Variants in SLX4IP observed in about 807,000 individuals in gnomAD.
The protein encoded by SLX4IP is SLX4 interacting protein.
SLX4IP carries 34 observed loss-of-function variants against 32.9 expected under a neutral mutation model. The observed-to-expected ratio is 1.03, with a 90% CI of 0.79 to 1.38. SLX4IP has a LOEUF of 1.38. Ranked by LOEUF, SLX4IP falls within the 40% of genes most tolerant of loss-of-function variation. The pLI, the probability that SLX4IP is intolerant of heterozygous loss-of-function variation, is 0.00. For synonymous variants in SLX4IP, 172 were observed against 171.7 expected (o/e 1.00, Z -0.01); for missense variants, 444 against 479.0 (o/e 0.93, Z 0.68).
intron 6 of SLX4IP, chr20:10,613,278 G>A: frequency 4.6e-6 from 3 of 655,480 alleles, no homozygotes; most frequent in Non-Finnish European, 8.1e-6. Flanking sequence ...CTAAGATCAG[G>A]TTGAGAGATT....
chr20:10,620,571 T>G (rs183733166), intron 6 of SLX4IP, among the ~76,000 whole-genome samples: 2 of 152,264 alleles, frequency 1.3e-5, no homozygotes, highest in East Asian at 3.9e-4. Flanking sequence ...TTTTTTTTTT[T>G]GAGACAGAGT....
intron 2 of SLX4IP, among the ~76,000 whole-genome samples, chr20:10,494,994 CAAAA>C (rs2065654475): frequency 6.6e-6 from 1 of 151,776 alleles, no homozygotes; most frequent in Admixed American, 6.6e-5. Flanking sequence ...TGTCTCACCA[CAAAA>C]AAAGACAAGT....
intron 2 of SLX4IP, among the ~76,000 whole-genome samples, chr20:10,486,525 A>G (rs936003119): frequency 2.0e-5 from 3 of 152,194 alleles, no homozygotes; most frequent in Non-Finnish European, 2.9e-5. Context: ...TAATTCCTAC[A>G]TACATACAGA....
chr20:10,577,379 A>C (rs2066534565), intron 4 of SLX4IP, among the ~76,000 whole-genome samples: 1 of 152,098 alleles, frequency 6.6e-6, no homozygotes, highest in African/African-American at 2.4e-5. Flanking sequence ...GGCTGAGTAA[A>C]CTTAGGAAGG....
intron 2 of SLX4IP, among the ~76,000 whole-genome samples, chr20:10,465,277 C>G (rs1404630936): frequency 6.6e-6 from 1 of 152,064 alleles, no homozygotes; most frequent in Admixed American, 6.5e-5. Flanking sequence ...GACCAGAGAT[C>G]TGCAAATTAC....
At chr20:10,470,365 G>A (rs1306299214) in intron 2 of SLX4IP, among the ~76,000 whole-genome samples, 2 of 152,148 alleles carry the variant, frequency 1.3e-5, no homozygotes, top group Admixed American at 6.5e-5. Flanking sequence ...GTACAGCAGC[G>A]TAGCCGTCAT....
intron 2 of SLX4IP, among the ~76,000 whole-genome samples, chr20:10,505,539 A>G (rs140028949): frequency 2.6e-5 from 4 of 152,194 alleles, no homozygotes; most frequent in East Asian, 3.8e-4. Context: ...ATGTTCAGCT[A>G]CTGGGCCAAG....
chr20:10,592,352 C>A (rs1048732690), intron 4 of SLX4IP, among the ~76,000 whole-genome samples: 4 of 148,508 alleles, frequency 2.7e-5, no homozygotes, highest in African/African-American at 7.7e-5. Context: ...TCCAACCCCC[C>A]CCCATCACCA....
At chr20:10,612,700 C>A (rs1348450075) in intron 6 of SLX4IP, among the ~76,000 whole-genome samples, 1 of 151,992 alleles carries the variant, frequency 6.6e-6, no homozygotes, top group Non-Finnish European at 1.5e-5. Context: ...CCACCACGCC[C>A]GGCTAATTTT....
At chr20:10,470,407 G>C (rs1486373278) in intron 2 of SLX4IP, among the ~76,000 whole-genome samples, 1 of 152,158 alleles carries the variant, frequency 6.6e-6, no homozygotes, top group Non-Finnish European at 1.5e-5. Flanking sequence ...CATAGTGTTT[G>C]CTAATTGTGC....
At chr20:10,532,488 C>T (rs1320726983) in intron 2 of SLX4IP, among the ~76,000 whole-genome samples, 1 of 152,112 alleles carries the variant, frequency 6.6e-6, no homozygotes, top group Admixed American at 6.5e-5. Flanking sequence ...AGTACCCTTT[C>T]CTGTTGGCTT....
At chr20:10,588,089 A>T (rs1171323840) in intron 4 of SLX4IP, among the ~76,000 whole-genome samples, 2 of 152,132 alleles carry the variant, frequency 1.3e-5, no homozygotes, top group African/African-American at 2.4e-5. Flanking sequence ...CTAATAAGGG[A>T]TTAATATCCA....
chr20:10,604,131 T>A (rs1306057353), intron 6 of SLX4IP, among the ~76,000 whole-genome samples: 1 of 152,220 alleles, frequency 6.6e-6, no homozygotes, highest in Non-Finnish European at 1.5e-5. Flanking sequence ...ACATGGATAT[T>A]CACCAAAGGG....
chr20:10,514,464 GCAAA>G lies in SLX4IP; in HGVS notation c.28-41764_28-41761del, dbSNP rs562141005. 1.2e-4 allele frequency among the ~76,000 whole-genome samples: 19 copies of G among 152,306 alleles called. 1 individual carries two copies. The South Asian group carries it at 3.7e-3, about 30-fold the overall frequency. On this transcript the variant is annotated intron_variant, in intron 2 of 7. Transcript: ENST00000334534. The stretch of plus-strand genomic sequence containing the variant: ...ATTAGGGCACCAAGTGCAAAAATCT[GCAAA>G]CAGTTAGCTTTCCTGTTTGAGCATT...
chr20:10,617,091 G>A (rs1002717801), intron 6 of SLX4IP, among the ~76,000 whole-genome samples: 1 of 152,222 alleles, frequency 6.6e-6, no homozygotes, highest in African/African-American at 2.4e-5. Context: ...TCCAAATTCT[G>A]AGGTGGAACC....
At chr20:10,592,426 A>T (rs1010645496) in intron 4 of SLX4IP, among the ~76,000 whole-genome samples, 2 of 151,690 alleles carry the variant, frequency 1.3e-5, no homozygotes, top group African/African-American at 2.4e-5. Context: ...AGGCTTTTTC[A>T]TAGGCCCCAT....
chr20:10,496,103 T>C (rs2122405056), intron 2 of SLX4IP, among the ~76,000 whole-genome samples: 1 of 152,268 alleles, frequency 6.6e-6, no homozygotes, highest in East Asian at 1.9e-4. Context: ...GACTTATTTC[T>C]ACTACATTAT....
chr20:10,558,617 A>C (rs1735874542), intron 3 of SLX4IP, among the ~76,000 whole-genome samples: 1 of 152,208 alleles, frequency 6.6e-6, no homozygotes, highest in Non-Finnish European at 1.5e-5. Flanking sequence ...ACATGTATTA[A>C]CATATGTTTA....
At chr20:10,616,648 ACTCTTCCCCCTACCCAAAATG>A (rs1169222123) in intron 6 of SLX4IP, among the ~76,000 whole-genome samples, 1 of 151,012 alleles carries the variant, frequency 6.6e-6, no homozygotes, top group Non-Finnish European at 1.5e-5. Context: ...CTTGGTGTTC[ACTCTTCCCCCTACCCAAAATG>A]CTCTTCCCCG....
Sources: allele counts gnomAD v4.1 joint callset (sites outside exome capture counted in the v4.1 genomes callset), GRCh38; gene constraint gnomAD v4.1.1; transcripts MANE v1.5; gene names NCBI Gene and HGNC (gene_info 2026-07-23, HGNC 2026-07-21).